The following OIT3 variants were observed in gnomAD, a reference collection of about 807,000 sequenced individuals.
OIT3 encodes the protein oncoprotein induced transcript 3, also known as oncoprotein-induced transcript 3 protein.
Under a neutral mutation model 52.2 loss-of-function variants are expected in OIT3, and 41 were observed. The ratio of observed to expected loss-of-function variants is 0.79; its 90% CI spans 0.61 to 1.02. The LOEUF is 1.02. OIT3 is among the 50% of genes least tolerant of loss of function. The probability of loss-of-function intolerance (pLI) is 0.00; values close to 1 mark genes in which losing one functional copy is unlikely to be tolerated. For synonymous variants in OIT3, 244 were observed against 276.9 expected, an observed-to-expected ratio of 0.88 and a Z score of 1.18; for missense variants, 634 against 715.5, an observed-to-expected ratio of 0.89 and a Z score of 1.30.
At position 72,898,931 on chromosome 10, in the gene OIT3, G is replaced by A. The variant is rs532284559; in HGVS notation, c.329G>A (p.Gly110Glu). ...CGCCAGGCTTGTGCCAGCTTCAATG[G>A]GAACTGCTGTCTCTGGAACACCACG... ...VQRQACASFN[G>E]NCCLWNTTVE... is the part of the protein sequence containing the mutation. Residue 110 changes from glycine (G) to glutamate (E), a missense_variant, in exon 2 of 9, where the codon GGG (glycine) becomes GAG (glutamate). By Grantham distance (98) the Gly-to-Glu change is moderately conservative. Transcript: ENST00000334011. 1.2e-6 allele frequency: 2 copies of A among 1,614,212 alleles called. No homozygotes were observed. Among genetic ancestry groups the A allele is most frequent in the African/African-American group, 1.3e-5 (1 of 75,048 alleles).
Position 72,898,676 on chromosome 10 carries a change from G to A in OIT3, c.74G>A (p.Cys25Tyr). The change falls in exon 2 of 9, where the codon TGT (cysteine) becomes TAT (tyrosine). Residue 25 changes from cysteine (C) to tyrosine (Y), a missense_variant. Transcript: ENST00000334011. ...TSVSPVALDP[C>Y]SAYISLNEPW... ...TTTTCATTTCCAGCCCTAGATCCTT[G>A]TTCTGCTTACATCAGCCTGAATGAG... 6.2e-7 allele frequency: 1 copy of A among 1,609,800 alleles called. No homozygotes were observed. Among genetic ancestry groups the A allele is most frequent in the Non-Finnish European group, 8.5e-7 (1 of 1,176,516 alleles).
intron 5 of OIT3, among the ~76,000 whole-genome samples, chr10:72,912,181 G>C (rs905489266): frequency 6.6e-6 from 1 of 151,756 alleles, no homozygotes; most frequent in African/African-American, 2.4e-5. Flanking sequence ...CAGTTGAAAG[G>C]CCTGAGGAAC....
intron 4 of OIT3, among the ~76,000 whole-genome samples, chr10:72,909,802 G>A (rs1446562468): frequency 1.3e-5 from 2 of 151,912 alleles, no homozygotes; most frequent in African/African-American, 2.4e-5. Flanking sequence ...GTTTCACCAT[G>A]TTAGCCAGGA....
At chr10:72,926,768 C>G (rs1479659810) in intron 7 of OIT3, among the ~76,000 whole-genome samples, 1 of 152,078 alleles carries the variant, frequency 6.6e-6, no homozygotes, top group East Asian at 1.9e-4. Flanking sequence ...AAAGAAGAAG[C>G]AACATTTTGT....
At chr10:72,926,478 C>A (rs1846170679) in intron 7 of OIT3, among the ~76,000 whole-genome samples, 1 of 152,200 alleles carries the variant, frequency 6.6e-6, no homozygotes, top group Non-Finnish European at 1.5e-5. Flanking sequence ...TTTCACATCT[C>A]AGCTCCACAG....
chr10:72,911,937 ATCTTTTAGAACAATGGC>A (rs2132936857), intron 5 of OIT3, 98 bp downstream of exon 5: 1 of 1,089,264 alleles, frequency 9.2e-7, no homozygotes, highest in Admixed American at 2.5e-5. Context: ...CAGGGTTCTC[ATCTTTTAGAACAATGGC>A]TCTTCGAGCA....
At chr10:72,910,511 A>C (rs1197814854) in intron 4 of OIT3, among the ~76,000 whole-genome samples, 2 of 152,288 alleles carry the variant, frequency 1.3e-5, no homozygotes, top group South Asian at 2.1e-4. Flanking sequence ...AAAACAAAAA[A>C]CAAAAAAAAA....
intron 1 of OIT3, among the ~76,000 whole-genome samples, chr10:72,895,796 A>G (rs1264933587): frequency 6.6e-6 from 1 of 152,180 alleles, no homozygotes; most frequent in Non-Finnish European, 1.5e-5. Context: ...TTAGCAAACC[A>G]TTGAGGAGCT....
intron 4 of OIT3, among the ~76,000 whole-genome samples, chr10:72,909,633 T>C (rs566314661): frequency 2.0e-5 from 3 of 152,302 alleles, no homozygotes; most frequent in Admixed American, 6.5e-5. Context: ...AGTCTCACTT[T>C]GTCACCCAAG....
intron 6 of OIT3, among the ~76,000 whole-genome samples, 163 bp from the exon 7 acceptor site, chr10:72,924,063 AGAG>A (rs1325885697): frequency 6.6e-6 from 1 of 152,120 alleles, no homozygotes; most frequent in Non-Finnish European, 1.5e-5. Context: ...CTTGATAACA[AGAG>A]GAGGGCAGTG....
intron 4 of OIT3, among the ~76,000 whole-genome samples, chr10:72,908,937 T>A (rs942176713): frequency 2.6e-5 from 4 of 151,646 alleles, no homozygotes; most frequent in Admixed American, 6.6e-5. Context: ...AGGCCCTTTT[T>A]AATTTTTTTT....
intron 3 of OIT3, among the ~76,000 whole-genome samples, chr10:72,901,604 G>A (rs1845935479): frequency 6.6e-6 from 1 of 151,946 alleles, no homozygotes; most frequent in African/African-American, 2.4e-5. Flanking sequence ...AGGCTTATTG[G>A]TTTTTGTTTG....
intron 6 of OIT3, 159 bp downstream of exon 6, chr10:72,913,627 T>A (rs773049616): frequency 3.1e-4 from 225 of 715,214 alleles, no homozygotes; most frequent in Non-Finnish European, 5.0e-4. Context: ...AACCAACGTG[T>A]TATTGAGCAT....
chr10:72,911,240 T>A (rs1285828106), intron 4 of OIT3, among the ~76,000 whole-genome samples: 1 of 152,186 alleles, frequency 6.6e-6, no homozygotes, highest in African/African-American at 2.4e-5. Flanking sequence ...GCTCTTGTCC[T>A]AAATATTTGA....
At chr10:72,906,975 AG>A (rs1845986439) in intron 4 of OIT3, among the ~76,000 whole-genome samples, 1 of 152,344 alleles carries the variant, frequency 6.6e-6, no homozygotes, top group South Asian at 2.1e-4. Context: ...AAATAAAAAT[AG>A]GGTGTTCTGG....
At chr10:72,924,969 G>T (rs1305257235) in intron 7 of OIT3, among the ~76,000 whole-genome samples, 1 of 152,012 alleles carries the variant, frequency 6.6e-6, no homozygotes, top group Non-Finnish European at 1.5e-5. Context: ...AAATTAGCTG[G>T]GTGTGGTGGC....
intron 8 of OIT3, 24 bp from the exon 9 acceptor site, chr10:72,932,330 T>TAAC (rs757158526): frequency 6.2e-7 from 1 of 1,612,120 alleles, no homozygotes; most frequent in South Asian, 1.1e-5. Flanking sequence ...TTGTTTTTAT[T>TAAC]AACAGTCGTG....
chr10:72,908,616 T>C (rs914255288), intron 4 of OIT3, among the ~76,000 whole-genome samples: 4 of 152,162 alleles, frequency 2.6e-5, no homozygotes, highest in African/African-American at 9.6e-5. Context: ...TCCAGAGTCC[T>C]CCTTAAATCT....
At chr10:72,926,260 C>T (rs950869026) in intron 7 of OIT3, among the ~76,000 whole-genome samples, 2 of 152,238 alleles carry the variant, frequency 1.3e-5, no homozygotes, top group Non-Finnish European at 2.9e-5. Flanking sequence ...TTTTTCACTA[C>T]AGCCAGCCTT....
Sources: allele counts gnomAD v4.1 joint callset (sites outside exome capture counted in the v4.1 genomes callset), GRCh38; gene constraint gnomAD v4.1.1; transcripts MANE v1.5; gene names NCBI Gene and HGNC (gene_info 2026-07-23, HGNC 2026-07-21).